ANKFY1: variants seen among roughly 807,000 people sequenced by gnomAD.
ANKFY1 encodes ankyrin repeat and FYVE domain-containing protein 1.
ANKFY1 carries 47 observed loss-of-function variants against 128.3 expected under a neutral mutation model. That is an observed-to-expected ratio of 0.37 (90% CI 0.29 to 0.47). The LOEUF is 0.47. ANKFY1 is among the 20% of genes least tolerant of loss of function. ANKFY1 has a pLI of 1.00. For synonymous variants in ANKFY1, 553 were observed against 601.6 expected, an observed-to-expected ratio of 0.92 and a Z score of 1.18; for missense variants, 1,222 against 1,510.6, an observed-to-expected ratio of 0.81 and a Z score of 3.17.
At chr17:4,240,399 T>TTA (rs1017766097) in intron 2 of ANKFY1, among the ~76,000 whole-genome samples, 1 of 74,398 alleles carries the variant, frequency 1.3e-5, no homozygotes, top group Non-Finnish European at 3.2e-5. Flanking sequence ...TATTTATTTA[T>TTA]TTATTTTTTT....
rs752523999 is a variant in ANKFY1, at chr17:4,197,326, T to C, written c.1103+47A>G. On this transcript the variant is annotated intron_variant, in intron 8 of 24. Coordinates refer to ENST00000341657, the MANE Select transcript of ANKFY1 (RefSeq NM_001330063.2). ...GCCAATTACATGCTACTGTAAGATA[T>C]CTTCTGAGAACAGTGCTAAGGGCAC... 9.4e-6 allele frequency: 15 copies of C among 1,590,122 alleles called. No individual in the cohort carries two copies. The South Asian group carries it at 9.9e-5, about 11-fold the overall frequency.
intron 4 of ANKFY1, among the ~76,000 whole-genome samples, chr17:4,213,850 G>C (rs2060177850): frequency 6.6e-6 from 1 of 152,120 alleles, no homozygotes; most frequent in Non-Finnish European, 1.5e-5. Context: ...TGGGATTACA[G>C]GTGTGAGCCA....
intron 1 of ANKFY1, among the ~76,000 whole-genome samples, chr17:4,257,948 T>C (rs1968208511): frequency 1.3e-5 from 2 of 152,230 alleles, no homozygotes; most frequent in African/African-American, 4.8e-5. Context: ...GTATCTCAAA[T>C]TGCCTACAGC....
rs2059276627 is a variant in ANKFY1, at chr17:4,169,540, G to A, written c.3287-252C>T. 6.6e-6 allele frequency among the ~76,000 whole-genome samples: 1 copy of A among 152,186 alleles called. No individual in the cohort carries two copies. Among genetic ancestry groups the A allele is most frequent in the South Asian group, 2.1e-4 (1 of 4,830 alleles). On this transcript the variant is annotated intron_variant, in intron 23 of 24. Coordinates refer to ENST00000341657, the MANE Select transcript of ANKFY1 (RefSeq NM_001330063.2). The surrounding 1 kb of genome is among the most constrained non-coding windows in gnomAD (Gnocchi z 5.0). The stretch of plus-strand genomic sequence containing the variant: ...CGAGGTGAACCAGTGTGATGTCTGT[G>A]GGGGAAACACGTAGTCAGGGATGGC...
At chr17:4,206,753 T>C (rs1025115434) in intron 6 of ANKFY1, among the ~76,000 whole-genome samples, 2 of 152,196 alleles carry the variant, frequency 1.3e-5, no homozygotes, top group Non-Finnish European at 2.9e-5. Flanking sequence ...CAGGAAAATG[T>C]GGACAGAGTG....
At chr17:4,238,152 T>TAAA (rs55944256) in intron 2 of ANKFY1, among the ~76,000 whole-genome samples, 4 of 92,662 alleles carry the variant, frequency 4.3e-5, no homozygotes, top group Admixed American at 1.2e-4. Context: ...CTTATTTATT[T>TAAA]AAAAAAAAAA....
At chr17:4,253,342 C>G (rs997804057) in intron 1 of ANKFY1, among the ~76,000 whole-genome samples, 5 of 152,138 alleles carry the variant, frequency 3.3e-5, no homozygotes, top group Admixed American at 1.3e-4. Context: ...GAACTTTTTA[C>G]GGTGATAGAA....
chr17:4,175,276 C>A (rs8077369), intron 19 of ANKFY1, among the ~76,000 whole-genome samples: 5 of 150,544 alleles, frequency 3.3e-5, no homozygotes. Flanking sequence ...AAGCCTGCAG[C>A]GAGCTGTGAT....
chr17:4,244,812 A>G (rs1967449494), intron 1 of ANKFY1, among the ~76,000 whole-genome samples: 1 of 151,728 alleles, frequency 6.6e-6, no homozygotes, highest in Non-Finnish European at 1.5e-5. Flanking sequence ...CAACCACCCC[A>G]TCTCCGAACT....
chr17:4,258,679 T>TACTAGCCACA (rs1180408173), intron 1 of ANKFY1, among the ~76,000 whole-genome samples: 2 of 152,208 alleles, frequency 1.3e-5, no homozygotes, highest in Non-Finnish European at 2.9e-5. Context: ...TAGGGGGAGC[T>TACTAGCCACA]ACTAGCCACA....
chr17:4,197,211 T>C (rs1264415937), intron 8 of ANKFY1, among the ~76,000 whole-genome samples, 162 bp downstream of exon 8: 2 of 152,208 alleles, frequency 1.3e-5, no homozygotes, highest in Non-Finnish European at 2.9e-5. Flanking sequence ...CTGGTTTTAG[T>C]AGTGACACTA....
At chr17:4,205,815 A>T (rs377072155) in intron 7 of ANKFY1, among the ~76,000 whole-genome samples, 29 of 152,338 alleles carry the variant, frequency 1.9e-4, no homozygotes, top group African/African-American at 6.7e-4. Context: ...TTAACAATGC[A>T]TTCAAAATAT....
chr17:4,235,947 C>T, intron 2 of ANKFY1, 57 bp from the exon 3 acceptor site: 1 of 1,250,282 alleles, frequency 8.0e-7, no homozygotes. Flanking sequence ...CTAGGTATAG[C>T]TAGGATTCAC....
At chr17:4,199,685 T>A (rs546065363) in intron 7 of ANKFY1, among the ~76,000 whole-genome samples, 13 of 152,202 alleles carry the variant, frequency 8.5e-5, no homozygotes, top group Non-Finnish European at 1.9e-4. Flanking sequence ...TACAAATACA[T>A]GGTTAAACTC....
At chr17:4,194,103 A>ATATTTT (rs1555627694) in intron 10 of ANKFY1, among the ~76,000 whole-genome samples, 7 of 108,186 alleles carry the variant, frequency 6.5e-5, no homozygotes, top group African/African-American at 2.0e-4. Flanking sequence ...ATATATATAT[A>ATATTTT]TTTTTTTTTT....
Position 4,237,793 on chromosome 17 carries a change from C to T in ANKFY1, c.204-1903G>A, listed in dbSNP as rs967445200. Reference sequence around the variant, plus strand: ...AGTCCATGAGGATTCTATGTTGAAACAATTAAGGACCTAGTAATTTTTTTA... The same window carrying T: ...AGTCCATGAGGATTCTATGTTGAAATAATTAAGGACCTAGTAATTTTTTTA... On this transcript the variant is annotated intron_variant, in intron 2 of 24. Transcript: ENST00000341657. 2.0e-5 allele frequency among the ~76,000 whole-genome samples: 3 copies of T among 152,162 alleles called. No homozygotes were observed. The South Asian group carries it at 6.2e-4, about 32-fold the overall frequency.
intron 1 of ANKFY1, among the ~76,000 whole-genome samples, chr17:4,263,003 C>T (rs1320611107): frequency 6.6e-6 from 1 of 152,102 alleles, no homozygotes; most frequent in Non-Finnish European, 1.5e-5. Flanking sequence ...TGCAGTCACT[C>T]AATAAACAAA....
rs373592723 is a variant in ANKFY1 at position 4,246,252 on chromosome 17, T to C, written c.11-3804A>G. On this transcript the variant is annotated intron_variant, in intron 1 of 24. Transcript: ENST00000341657. ...TACTTCAAAAGATTTAAATAAAGCC[T>C]GTATTTGTTTGTAGCATACTGGACC... Among the ~76,000 whole-genome samples the C allele has an allele frequency of 2.2e-4, 34 of 152,322 alleles. 1 individual carries two copies. In the East Asian group the frequency reaches 4.0e-3, roughly 18 times the overall value.
At chr17:4,221,257 G>A (rs570871618) in intron 3 of ANKFY1, among the ~76,000 whole-genome samples, 1 of 152,290 alleles carries the variant, frequency 6.6e-6, no homozygotes, top group African/African-American at 2.4e-5. Flanking sequence ...TGTTGCCCAG[G>A]CTGGAGTACA....
Sources: allele counts gnomAD v4.1 joint callset (sites outside exome capture counted in the v4.1 genomes callset), GRCh38; gene constraint gnomAD v4.1.1; non-coding constraint Gnocchi (gnomAD v3.1); transcripts MANE v1.5; gene names NCBI Gene and HGNC (gene_info 2026-07-23, HGNC 2026-07-21).